FBXO34: variants seen among roughly 807,000 people sequenced by gnomAD.
The protein encoded by FBXO34 is F-box only protein 34.
FBXO34 carries 12 observed loss-of-function variants against 24.5 expected under a neutral mutation model. The ratio of observed to expected loss-of-function variants is 0.49; its 90% CI spans 0.31 to 0.79. FBXO34 has a LOEUF of 0.79. FBXO34 is among the 30% of genes least tolerant of loss of function. The probability of loss-of-function intolerance (pLI) is 0.04; values close to 1 mark genes in which losing one functional copy is unlikely to be tolerated. For missense variants in FBXO34, 823 were observed against 857.7 expected, an observed-to-expected ratio of 0.96 and a Z score of 0.51; for synonymous variants, 320 against 311.9, an observed-to-expected ratio of 1.03 and a Z score of -0.27.
At chr14:55,422,113 C>T in the FBXO34 span, among the ~76,000 whole-genome samples, 14,995 of 151,984 alleles carry the variant, frequency 0.099, 2,291 homozygotes, top group African/African-American at 0.32. Flanking sequence ...AAGGCAGAAC[C>T]GAAGAACAGC....
chr14:55,407,215 G>A, the FBXO34 span, among the ~76,000 whole-genome samples: 14 of 152,172 alleles, frequency 9.2e-5, no homozygotes, highest in South Asian at 2.9e-3. Flanking sequence ...TGCAACCTCC[G>A]CCTCCCGGGT....
chr14:55,397,053 T>C, the FBXO34 span, among the ~76,000 whole-genome samples: 27 of 152,366 alleles, frequency 1.8e-4, no homozygotes, highest in Admixed American at 2.6e-4. Flanking sequence ...TAATGTCCTA[T>C]GGGAGCCACC....
the FBXO34 span, among the ~76,000 whole-genome samples, chr14:55,389,203 T>A: frequency 1.3e-5 from 2 of 152,234 alleles, no homozygotes; most frequent in Non-Finnish European, 2.9e-5. Context: ...GCTTTTAACA[T>A]GCTCATCAGA....
the FBXO34 span, chr14:55,382,332 G>T: frequency 1.5e-6 from 1 of 672,314 alleles, no homozygotes. Context: ...TTTTATTTTA[G>T]AGATGGGTGT....
chr14:55,358,086 C>G (rs766771066), downstream of FBXO34, among the ~76,000 whole-genome samples: 8 of 152,016 alleles, frequency 5.3e-5, no homozygotes, highest in Non-Finnish European at 1.0e-4. Context: ...ACCAATCCTC[C>G]CCTATACAGA....
At chr14:55,385,137 T>C in the FBXO34 span, among the ~76,000 whole-genome samples, 1 of 152,218 alleles carries the variant, frequency 6.6e-6, no homozygotes, top group East Asian at 1.9e-4. Flanking sequence ...CTCTAGATGT[T>C]TTCTTATGTA....
chr14:55,281,053 A>C (rs1881523912), intron 1 of FBXO34, among the ~76,000 whole-genome samples: 1 of 152,158 alleles, frequency 6.6e-6, no homozygotes, highest in Non-Finnish European at 1.5e-5. Context: ...ATCAATATAA[A>C]AATTACTGAA....
the FBXO34 span, chr14:55,395,095 G>A: frequency 4.0e-6 from 2 of 503,720 alleles, no homozygotes; most frequent in Non-Finnish European, 8.0e-6. Flanking sequence ...TTTTTTGTCT[G>A]AAGATTTATC....
downstream of FBXO34, among the ~76,000 whole-genome samples, chr14:55,356,503 G>A (rs545166685): frequency 3.9e-5 from 6 of 152,214 alleles, no homozygotes; most frequent in African/African-American, 1.4e-4. Flanking sequence ...ACTGGAGTGC[G>A]GTGGTGCGAT....
intron 1 of FBXO34, among the ~76,000 whole-genome samples, chr14:55,284,776 C>T (rs574643745): frequency 1.3e-5 from 2 of 149,634 alleles, no homozygotes; most frequent in East Asian, 3.9e-4. Flanking sequence ...CCACCACGTC[C>T]AGCTGATTTT....
Position 55,331,763 on chromosome 14 carries a change from A to ATG in FBXO34, c.-10-18617_-10-18616insGT, listed in dbSNP as rs1883579315. ...TATGTGTGTATATATATATATATGT[A>ATG]TATATATATATATATACCACCATGG... is the stretch of plus-strand genomic sequence containing the variant. On this transcript the variant is annotated intron_variant, in intron 1 of 1. Coordinates refer to ENST00000313833, the MANE Select transcript of FBXO34 (RefSeq NM_017943.4). Among the ~76,000 whole-genome samples, 2 of 74,740 alleles carry ATG rather than the reference A, an allele frequency of 2.7e-5. 1 individual carries two copies. The highest frequency in any genetic ancestry group is 2.7e-4 in the Admixed American group (2 of 7,338). The allele number at this position is 74,740 out of a possible 152,430, so 49.0% of individuals were successfully genotyped here.
the FBXO34 span, among the ~76,000 whole-genome samples, chr14:55,410,115 G>A: frequency 6.6e-6 from 1 of 152,170 alleles, no homozygotes; most frequent in African/African-American, 2.4e-5. Flanking sequence ...CAATGAGATT[G>A]ACATTTACTG....
the FBXO34 span, among the ~76,000 whole-genome samples, chr14:55,400,608 A>G: frequency 1.3e-5 from 2 of 152,146 alleles, no homozygotes; most frequent in African/African-American, 2.4e-5. Flanking sequence ...AATTCCTACA[A>G]ATAAAATAAA....
At chr14:55,393,197 C>G in the FBXO34 span, among the ~76,000 whole-genome samples, 7 of 150,276 alleles carry the variant, frequency 4.7e-5, no homozygotes, top group African/African-American at 1.7e-4. Flanking sequence ...CTGGCTAACA[C>G]GGTGAAACCC....
chr14:55,323,205 A>T (rs377337487), intron 1 of FBXO34, among the ~76,000 whole-genome samples: 1,611 of 49,726 alleles, frequency 0.032, 106 homozygotes, highest in South Asian at 0.039. Flanking sequence ...AAAAAAAAAA[A>T]AAAAAAAAAA....
chr14:55,385,025 C>G, the FBXO34 span, among the ~76,000 whole-genome samples: 1 of 152,186 alleles, frequency 6.6e-6, no homozygotes, highest in Admixed American at 6.5e-5. Flanking sequence ...CCGCCTAAGA[C>G]CGAAGTCACG....
At chr14:55,353,760 C>T (rs981392411), downstream of FBXO34, among the ~76,000 whole-genome samples, 1 of 152,158 alleles carries the variant, frequency 6.6e-6, no homozygotes, top group African/African-American at 2.4e-5. Context: ...CTTCACTTAA[C>T]ATTGAAGTTT....
At chr14:55,435,874 A>G in the FBXO34 span, 1 of 1,571,514 alleles carries the variant, frequency 6.4e-7, no homozygotes, top group South Asian at 1.2e-5. Flanking sequence ...CATTTTTTGC[A>G]TGCAAAGCTA....
intron 1 of FBXO34, among the ~76,000 whole-genome samples, chr14:55,306,081 C>T (rs1882534235): frequency 6.6e-6 from 1 of 152,218 alleles, no homozygotes; most frequent in African/African-American, 2.4e-5. Context: ...CATAGTCCTC[C>T]TCTTTTCCCA....
Sources: gnomAD v4.1 joint callset for allele counts (sites outside exome capture counted in the v4.1 genomes callset) on GRCh38, gnomAD v4.1.1 for gene constraint, MANE v1.5 for transcripts, NCBI Gene and HGNC (gene_info 2026-07-23, HGNC 2026-07-21) for gene names.